MFN1: variants seen among roughly 807,000 people sequenced by gnomAD.
MFN1 encodes mitofusin 1, also known as mitofusin-1.
A neutral mutation model predicts 92.4 loss-of-function variants in MFN1; 65 were observed. The observed-to-expected ratio is 0.70, with a 90% CI of 0.58 to 0.86. MFN1 has a LOEUF of 0.86. Ranked by LOEUF, MFN1 falls within the 40% of genes least tolerant of loss-of-function variation. MFN1 has a pLI of 0.00. For missense variants in MFN1, 781 were observed against 868.0 expected (o/e 0.90, Z 1.26); for synonymous variants, 297 against 300.9 (o/e 0.99, Z 0.13).
At chr3:179,384,538 C>G (rs1021268258) in intron 14 of MFN1, among the ~76,000 whole-genome samples, 2 of 152,152 alleles carry the variant, frequency 1.3e-5, no homozygotes, top group Non-Finnish European at 2.9e-5. Flanking sequence ...TATTCTGGAT[C>G]AAATCCTTTC....
At chr3:179,363,052 A>G (rs561019807) in intron 5 of MFN1, among the ~76,000 whole-genome samples, 1 of 152,354 alleles carries the variant, frequency 6.6e-6, no homozygotes, top group South Asian at 2.1e-4. Context: ...GAAAATATGA[A>G]TGAGATCTAG....
rs773056492 is a variant in MFN1, at chr3:179,367,506, T to C, written c.821T>C (p.Leu274Ser). 1.9e-6 allele frequency: 3 copies of C among 1,613,980 alleles called. No homozygotes were observed. The highest frequency in any genetic ancestry group is 2.5e-6 in the Non-Finnish European group (3 of 1,179,942). ...LVEELKVVNA[L>S]EAQNRIFFVS... ...GAGGAGCTCAAAGTTGTAAATGCTT[T>C]AGAAGCACAGAATCGTATCTTCTTT... The change falls in exon 8 of 18, where the codon TTA becomes TCA. Residue 274 changes from leucine (L) to serine (S), a missense_variant. Coordinates refer to ENST00000471841, the MANE Select transcript of MFN1 (RefSeq NM_033540.3).
chr3:179,389,385 G>A (rs1212908095), intron 16 of MFN1, among the ~76,000 whole-genome samples: 2 of 152,072 alleles, frequency 1.3e-5, no homozygotes, highest in Non-Finnish European at 2.9e-5. Context: ...AACTCGACTT[G>A]ATCCTCTTTC....
At chr3:179,348,752 A>G (rs1302035114) in intron 1 of MFN1, 93 bp from the exon 2 acceptor site, 9 of 1,524,996 alleles carry the variant, frequency 5.9e-6, no homozygotes, top group Non-Finnish European at 8.0e-6. Flanking sequence ...AATTTATTTC[A>G]TTGGGGAGTT....
At chr3:179,364,540 T>C in intron 6 of MFN1, 135 bp downstream of exon 6, 2 of 662,690 alleles carry the variant, frequency 3.0e-6, no homozygotes, top group South Asian at 3.9e-5. Context: ...AAGGGGTTTG[T>C]GTTTTCATAG....
rs1034055195 is a variant in MFN1, at chr3:179,392,197, G to C, written c.*138G>C. The C allele has an allele frequency of 1.0e-5, 6 of 596,348 alleles. No homozygotes were observed. Among genetic ancestry groups the C allele is most frequent in the Non-Finnish European group, 1.8e-5 (6 of 331,948 alleles). 36.9% of individuals were successfully genotyped at this position (596,348 alleles called of 1,614,324 possible). A position where few individuals can be genotyped will look rare whatever the true frequency, so the allele number is the denominator to read the frequency against. On this transcript the variant is annotated 3_prime_UTR_variant, in exon 18 of 18. Transcript: ENST00000471841. ...ATAGCAAAGCCCTGTGTAGATTCTG[G>C]TAATGATCTGTCTCAGGGTATGTGT...
chr3:179,349,764 C>T (rs1013867262), intron 2 of MFN1, among the ~76,000 whole-genome samples: 4 of 152,022 alleles, frequency 2.6e-5, no homozygotes, highest in African/African-American at 7.2e-5. Flanking sequence ...CTCTTGGCCT[C>T]CCAAAGTGCT....
At position 179,378,937 on chromosome 3, in the gene MFN1, C is replaced by G. The variant is rs1713362171; in HGVS notation, c.1662+123C>G. 1.2e-5 allele frequency: 9 copies of G among 747,562 alleles called. No homozygotes were observed. In the South Asian group the frequency reaches 1.8e-4, roughly 15 times the overall value. The allele number at this position is 747,562 out of a possible 1,614,324, so 46.3% of individuals were successfully genotyped here. On this transcript the variant is annotated intron_variant, in intron 14 of 17. Transcript: ENST00000471841. ...AAAAGCTAGTATCTATCTCTTAGAGCCATTTCTGAGGTAGATATTTAGTTT... is the reference window on the plus strand; with the variant it reads ...AAAAGCTAGTATCTATCTCTTAGAGGCATTTCTGAGGTAGATATTTAGTTT...
At chr3:179,382,275 A>G (rs990033316) in intron 14 of MFN1, among the ~76,000 whole-genome samples, 2 of 152,046 alleles carry the variant, frequency 1.3e-5, no homozygotes, top group Non-Finnish European at 2.9e-5. Flanking sequence ...CCTGTGTCCA[A>G]GTGTTCTCAT....
intron 16 of MFN1, among the ~76,000 whole-genome samples, chr3:179,388,759 C>T (rs1009351617): frequency 2.6e-5 from 4 of 152,054 alleles, no homozygotes; most frequent in African/African-American, 7.2e-5. Flanking sequence ...CATGCTGTAT[C>T]GGAAGATCAG....
At chr3:179,363,836 A>G (rs73043483) in intron 5 of MFN1, among the ~76,000 whole-genome samples, 224 of 152,316 alleles carry the variant, frequency 1.5e-3, no homozygotes, top group Middle Eastern at 6.8e-3. Flanking sequence ...AATACTTCAT[A>G]TACCTCATAA....
At chr3:179,359,262 A>G (rs1577003560) in intron 4 of MFN1, among the ~76,000 whole-genome samples, 1 of 152,134 alleles carries the variant, frequency 6.6e-6, no homozygotes, top group East Asian at 1.9e-4. Context: ...CTGGGACTAC[A>G]GGCGTGCGCC....
At chr3:179,369,287 T>C (rs1712929049) in intron 9 of MFN1, among the ~76,000 whole-genome samples, 1 of 152,108 alleles carries the variant, frequency 6.6e-6, no homozygotes, top group Non-Finnish European at 1.5e-5. Flanking sequence ...TCATAGCGCA[T>C]TGCAGCCTCG....
At chr3:179,384,063 A>G (rs1050859518) in intron 14 of MFN1, among the ~76,000 whole-genome samples, 13 of 152,156 alleles carry the variant, frequency 8.5e-5, no homozygotes, top group Admixed American at 2.0e-4. Flanking sequence ...TATAAATGCA[A>G]TCATATAGAA....
At chr3:179,378,520 G>A (rs1310794305) in intron 13 of MFN1, 65 bp from the exon 14 acceptor site, 1 of 1,524,410 alleles carries the variant, frequency 6.6e-7, no homozygotes, top group African/African-American at 1.4e-5. Flanking sequence ...TTTCCTTTAG[G>A]CATTCCATTG....
In MFN1 at chr3:179,350,977, G is replaced by C. The variant is rs527914823; in HGVS notation, c.113-923G>C. Among the ~76,000 whole-genome samples the C allele has an allele frequency of 2.0e-5, 3 of 152,228 alleles. No homozygotes were observed. The South Asian group carries it at 6.2e-4, about 32-fold the overall frequency. Reference sequence around the variant, plus strand: ...TTCAAGTGATTTCCAGCTAATTTTTGTACTTTTAGTAGAGATGGTGTTTTA... The same window carrying C: ...TTCAAGTGATTTCCAGCTAATTTTTCTACTTTTAGTAGAGATGGTGTTTTA... On this transcript the variant is annotated intron_variant, in intron 2 of 17. Transcript: ENST00000471841.
chr3:179,382,447 A>G (rs1219574205), intron 14 of MFN1, among the ~76,000 whole-genome samples: 2 of 152,202 alleles, frequency 1.3e-5, no homozygotes, highest in Admixed American at 1.3e-4. Flanking sequence ...TATATGTGCC[A>G]CATTTTCTTA....
intron 10 of MFN1, among the ~76,000 whole-genome samples, chr3:179,375,842 T>C (rs1308634627): frequency 1.3e-5 from 2 of 152,222 alleles, no homozygotes; most frequent in African/African-American, 4.8e-5. Flanking sequence ...CCCTTTATGT[T>C]ATACTGTACG....
chr3:179,371,811 T>C, intron 9 of MFN1, among the ~76,000 whole-genome samples: 1 of 151,994 alleles, frequency 6.6e-6, no homozygotes, highest in Admixed American at 6.6e-5. Context: ...ATAATAGTAT[T>C]GTCTCAATGG....
Sources: allele counts gnomAD v4.1 joint callset (sites outside exome capture counted in the v4.1 genomes callset), GRCh38; gene constraint gnomAD v4.1.1; transcripts MANE v1.5; gene names NCBI Gene and HGNC (gene_info 2026-07-23, HGNC 2026-07-21).